EYA1: variants seen among roughly 807,000 people sequenced by gnomAD.
EYA1 encodes protein phosphatase EYA1.
EYA1 carries 16 observed loss-of-function variants against 82.0 expected under a neutral mutation model. That is an observed-to-expected ratio of 0.20 (90% CI 0.13 to 0.30). The LOEUF is 0.30. Among genes scored for constraint, EYA1 ranks in the 10% least tolerant of loss-of-function variants. The probability of loss-of-function intolerance (pLI) is 1.00; values close to 1 mark genes in which losing one functional copy is unlikely to be tolerated. For missense variants in EYA1, 633 were observed against 730.7 expected (o/e 0.87, Z 1.54); for synonymous variants, 261 against 264.4 (o/e 0.99, Z 0.12).
At chr8:71,399,124 G>A (rs145921195) in intron 2 of EYA1, among the ~76,000 whole-genome samples, 33 of 152,320 alleles carry the variant, frequency 2.2e-4, no homozygotes, top group East Asian at 1.4e-3. Context: ...CTGGTGTGCC[G>A]TTTGCTAAGG....
At chr8:71,247,578 A>C (rs1813261740) in intron 11 of EYA1, among the ~76,000 whole-genome samples, 1 of 152,170 alleles carries the variant, frequency 6.6e-6, no homozygotes, top group Non-Finnish European at 1.5e-5. Flanking sequence ...TACACCTGAA[A>C]TCTATGAAAT....
chr8:71,299,784 A>G (rs1455848434), intron 7 of EYA1, 64 bp from the exon 8 acceptor site: 6 of 882,712 alleles, frequency 6.8e-6, no homozygotes, highest in Non-Finnish European at 1.1e-5. Flanking sequence ...GTACAGGAAA[A>G]TAGCATTTAG....
rs201078425 is a variant in EYA1, at chr8:71,215,682, G to A, written c.1407C>T (p.Ala469=). 19 of 1,614,100 alleles carry A rather than the reference G, an allele frequency of 1.2e-5. No homozygotes were observed. Among genetic ancestry groups the A allele is most frequent in the Admixed American group, 3.3e-5 (2 of 60,020 alleles). The change falls in exon 15 of 18, where the codon GCC becomes GCT. Residue 469 remains alanine (A), a synonymous_variant. Transcript: ENST00000340726. ...AKREAWLQLR[A]EIEALTDSWL... is the part of the protein sequence containing the mutation. ...AGGAGTCGGTCAGGGCTTCAATTTCGGCCCTCAACTGCAGCCAGGCTTCCC... is the reference window on the plus strand; with the variant it reads ...AGGAGTCGGTCAGGGCTTCAATTTCAGCCCTCAACTGCAGCCAGGCTTCCC...
chr8:71,548,066 G>T (rs1268736204), exon 1 of EYA1: 1 of 152,274 alleles, frequency 6.6e-6, no homozygotes, highest in East Asian at 1.9e-4. Flanking sequence ...TGTGCCTCCG[G>T]GTCGAGGGGC....
chr8:71,413,486 G>A (rs1045244769), intron 2 of EYA1, among the ~76,000 whole-genome samples: 1 of 152,092 alleles, frequency 6.6e-6, no homozygotes, highest in South Asian at 2.1e-4. Context: ...CATTTCCCCA[G>A]GATAAAATGC....
At chr8:71,262,698 T>C (rs1273434941) in intron 11 of EYA1, among the ~76,000 whole-genome samples, 2 of 152,118 alleles carry the variant, frequency 1.3e-5, no homozygotes, top group Admixed American at 6.5e-5. Context: ...ACAGCAAGAA[T>C]GTACATTTCC....
intron 2 of EYA1, among the ~76,000 whole-genome samples, chr8:71,396,966 G>T (rs1225310152): frequency 2.0e-5 from 3 of 152,098 alleles, no homozygotes; most frequent in African/African-American, 2.4e-5. Context: ...ATGAATCTGG[G>T]TGCTCCTGTA....
chr8:71,517,534 A>G (rs1168462976), intron 2 of EYA1, among the ~76,000 whole-genome samples: 1 of 151,874 alleles, frequency 6.6e-6, no homozygotes, highest in African/African-American at 2.4e-5. Context: ...AAGGTTCATT[A>G]ACACAGTTTC....
chr8:71,222,639 A>G (rs1810073714), intron 12 of EYA1, among the ~76,000 whole-genome samples: 1 of 152,238 alleles, frequency 6.6e-6, no homozygotes. Context: ...TCTCACTTAC[A>G]CAGACTCCTA....
intron 2 of EYA1, among the ~76,000 whole-genome samples, chr8:71,503,626 C>T (rs1309875085): frequency 6.6e-6 from 1 of 152,192 alleles, no homozygotes; most frequent in African/African-American, 2.4e-5. Context: ...TAAATGTACT[C>T]ATACATATTA....
chr8:71,481,285 T>G (rs1021637189), intron 2 of EYA1, among the ~76,000 whole-genome samples: 8 of 152,204 alleles, frequency 5.3e-5, no homozygotes, highest in African/African-American at 1.9e-4. Context: ...TTATTTGTAT[T>G]TGCATGAGTA....
At chr8:71,234,528 T>G (rs2128887418) in intron 12 of EYA1, among the ~76,000 whole-genome samples, 1 of 152,276 alleles carries the variant, frequency 6.6e-6, no homozygotes, top group Non-Finnish European at 1.5e-5. Flanking sequence ...TTTGGCCACA[T>G]TTGACACAGG....
rs191321327 is a variant in EYA1 at position 71,230,595 on chromosome 8, G to T, written c.1141-13572C>A. ...TGTGGAGGCCATACATTAGCAGGAA[G>T]CTAGGACTGAACCCAGGTCTCTCCA... is the stretch of plus-strand genomic sequence containing the variant. On this transcript the variant is annotated intron_variant, in intron 12 of 17. Coordinates refer to ENST00000340726, the MANE Select transcript of EYA1 (RefSeq NM_000503.6). 7.2e-5 allele frequency among the ~76,000 whole-genome samples: 11 copies of T among 152,306 alleles called. No individual in the cohort carries two copies. In the East Asian group the frequency reaches 1.9e-3, roughly 27 times the overall value.
At chr8:71,218,044 C>T (rs1809434728) in intron 12 of EYA1, among the ~76,000 whole-genome samples, 1 of 152,120 alleles carries the variant, frequency 6.6e-6, no homozygotes, top group Admixed American at 6.5e-5. Flanking sequence ...CACTTGGCTG[C>T]TTTCATATTT....
At chr8:71,504,349 T>A (rs1387808770) in intron 2 of EYA1, among the ~76,000 whole-genome samples, 1 of 152,202 alleles carries the variant, frequency 6.6e-6, no homozygotes, top group African/African-American at 2.4e-5. Flanking sequence ...TTTTAAAATA[T>A]GCATAATAGA....
At chr8:71,278,997 G>A (rs1817516907) in intron 9 of EYA1, among the ~76,000 whole-genome samples, 1 of 152,158 alleles carries the variant, frequency 6.6e-6, no homozygotes, top group African/African-American at 2.4e-5. Context: ...TCCTAGCCGA[G>A]AGGAAGCTCT....
chr8:71,317,623 C>T lies in EYA1; in HGVS notation c.485G>A (p.Gly162Glu), dbSNP rs1411069397. 6.2e-7 allele frequency: 1 copy of T among 1,614,058 alleles called. No homozygotes were observed. Among genetic ancestry groups the T allele is most frequent in the Non-Finnish European group, 8.5e-7 (1 of 1,180,014 alleles). The change falls in exon 7 of 18, where the codon GGA (glycine) becomes GAA (glutamate). Residue 162 changes from glycine (G) to glutamate (E), a missense_variant. Gly to Glu is a moderately conservative substitution (Grantham distance 98, BLOSUM62 -2). Transcript: ENST00000340726. ...LSQSQSPGQT[G>E]FLSYGTSFST... Reference sequence around the variant, plus strand: ...GAAGCTTGTGCCATAGCTGAGAAATCCTGTCTGTCCAGGTGACTGAGACTG... The same window carrying T: ...GAAGCTTGTGCCATAGCTGAGAAATTCTGTCTGTCCAGGTGACTGAGACTG...
intron 9 of EYA1, among the ~76,000 whole-genome samples, chr8:71,296,716 ATTG>A (rs1409700305): frequency 6.8e-4 from 103 of 152,150 alleles, no homozygotes; most frequent in African/African-American, 2.5e-3. Flanking sequence ...CAAAACAGAA[ATTG>A]TTTTTAATAA....
At chr8:71,394,438 G>A (rs1467811289) in intron 2 of EYA1, among the ~76,000 whole-genome samples, 3 of 152,306 alleles carry the variant, frequency 2.0e-5, no homozygotes, top group East Asian at 3.9e-4. Flanking sequence ...TAACATTTAA[G>A]TCTTTAATCC....
Sources: allele counts gnomAD v4.1 joint callset (sites outside exome capture counted in the v4.1 genomes callset), GRCh38; gene constraint gnomAD v4.1.1; transcripts MANE v1.5; gene names NCBI Gene and HGNC (gene_info 2026-07-23, HGNC 2026-07-21).